TEX11: variants seen among roughly 807,000 people sequenced by gnomAD.
TEX11 encodes testis expressed 11.
In TEX11, 7 loss-of-function variants were observed where a neutral mutation model predicts 84.4. The ratio of observed to expected loss-of-function variants is 0.08; its 90% CI spans 0.05 to 0.16. The LOEUF is 0.16. TEX11 is among the 10% of genes least tolerant of loss of function. The pLI, the probability that TEX11 is intolerant of heterozygous loss-of-function variation, is 1.00. For missense variants in TEX11, 551 were observed against 660.5 expected, an observed-to-expected ratio of 0.83 and a Z score of 1.82; for synonymous variants, 264 against 222.8, an observed-to-expected ratio of 1.18 and a Z score of -1.64.
At chrX:70,827,802 G>A (rs1015828075) in intron 8 of TEX11, among the ~76,000 whole-genome samples, 2 of 111,892 alleles carry the variant, frequency 1.8e-5, no homozygotes, top group Admixed American at 9.5e-5. Flanking sequence ...TGGGTTGTGG[G>A]GGAACTCACC....
intron 9 of TEX11, among the ~76,000 whole-genome samples, chrX:70,765,935 T>C (rs979517826): frequency 8.9e-6 from 1 of 112,515 alleles, no homozygotes; most frequent in African/African-American, 3.2e-5. Flanking sequence ...TTCAGTAAAG[T>C]TGCAGGATAC....
chrX:70,715,445 G>A (rs899906782), intron 13 of TEX11, among the ~76,000 whole-genome samples: 2 of 111,361 alleles, frequency 1.8e-5, no homozygotes, highest in African/African-American at 6.5e-5. Flanking sequence ...ACGTAGATTT[G>A]GTCTTTTCAT....
At chrX:70,572,336 A>C (rs895063708) in intron 25 of TEX11, among the ~76,000 whole-genome samples, 2 of 111,717 alleles carry the variant, frequency 1.8e-5, no homozygotes, top group African/African-American at 3.3e-5. Context: ...GCGATTATTA[A>C]AATGTCAGGA....
At chrX:70,678,099 A>G (rs1402266855) in intron 15 of TEX11, among the ~76,000 whole-genome samples, 1 of 111,013 alleles carries the variant, frequency 9.0e-6, no homozygotes, top group Admixed American at 9.5e-5. Context: ...GGCGTGAGCC[A>G]CCACGCCCGG....
intron 25 of TEX11, among the ~76,000 whole-genome samples, chrX:70,569,754 C>T (rs1348641730): frequency 1.5e-4 from 17 of 111,170 alleles, no homozygotes; most frequent in African/African-American, 5.2e-4. Context: ...GCTGTCTGAT[C>T]GTTCCGCTGG....
intron 7 of TEX11, among the ~76,000 whole-genome samples, chrX:70,845,393 C>A (rs1244341973): frequency 9.1e-6 from 1 of 110,237 alleles, no homozygotes; most frequent in Admixed American, 9.7e-5. Flanking sequence ...AACTCCTGAC[C>A]TCAGGCGATC....
At chrX:70,570,012 G>T (rs1407385009) in intron 25 of TEX11, among the ~76,000 whole-genome samples, 1 of 112,160 alleles carries the variant, frequency 8.9e-6, no homozygotes, top group East Asian at 2.8e-4. Flanking sequence ...CCCAGAGGTG[G>T]AGCCTACAGA....
At chrX:70,640,610 A>G (rs1040415601) in intron 17 of TEX11, among the ~76,000 whole-genome samples, 3 of 109,788 alleles carry the variant, frequency 2.7e-5, no homozygotes, top group African/African-American at 9.9e-5. Context: ...GTGGGGACCA[A>G]TATTCAACAT....
At chrX:70,733,665 T>A (rs2090672532) in intron 11 of TEX11, among the ~76,000 whole-genome samples, 1 of 111,279 alleles carries the variant, frequency 9.0e-6, no homozygotes, top group African/African-American at 3.3e-5. Flanking sequence ...CAGGTGCTGG[T>A]GAGGATGTGA....
chrX:70,737,431 T>C (rs1242431502), intron 11 of TEX11, among the ~76,000 whole-genome samples: 4 of 110,774 alleles, frequency 3.6e-5, no homozygotes, highest in Non-Finnish European at 7.6e-5. Flanking sequence ...GAAGAAATAC[T>C]GGAACTTTTC....
chrX:70,577,813 C>T lies in TEX11; in HGVS notation c.2140+13938G>A, dbSNP rs919091754. On this transcript the variant is annotated intron_variant, in intron 25 of 29. Transcript: ENST00000374333. ...CAGGATCTCTGCTCACCGCAACCTC[C>T]GCCTCCTGGGTTCAAGTGATTCTCC... 9.3e-5 allele frequency among the ~76,000 whole-genome samples: 10 copies of T among 107,187 alleles called. No individual in the cohort carries two copies. The East Asian group carries it at 1.1e-3, about 12-fold the overall frequency. 93.1% of individuals were successfully genotyped at this position (107,187 alleles called of 115,157 possible).
intron 9 of TEX11, among the ~76,000 whole-genome samples, chrX:70,788,501 A>C (rs771196001): frequency 8.1e-5 from 9 of 110,941 alleles, no homozygotes; most frequent in African/African-American, 2.9e-4. Context: ...CCCACCACGT[A>C]CAAAAATCAA....
At chrX:70,737,500 G>A (rs1461306010) in intron 11 of TEX11, among the ~76,000 whole-genome samples, 4 of 110,472 alleles carry the variant, frequency 3.6e-5, no homozygotes, top group Admixed American at 9.8e-5. Flanking sequence ...CCCCAAGCAC[G>A]AGAAACGTAA....
intron 25 of TEX11, among the ~76,000 whole-genome samples, chrX:70,589,836 C>T (rs1784814495): frequency 1.8e-5 from 2 of 112,108 alleles, no homozygotes; most frequent in South Asian, 3.7e-4. Context: ...AGAAAAGTCA[C>T]GGAGGCAATG....
chrX:70,646,293 G>T (rs1047505748), intron 17 of TEX11, among the ~76,000 whole-genome samples: 1 of 111,836 alleles, frequency 8.9e-6, no homozygotes, highest in East Asian at 2.8e-4. Context: ...AGATTTAAAC[G>T]TAAGACATGA....
chrX:70,552,338 T>TG, intron 27 of TEX11, 92 bp from the exon 28 acceptor site: 1 of 1,055,946 alleles, frequency 9.5e-7, no homozygotes, highest in Non-Finnish European at 1.3e-6. Context: ...CATCCCAGAC[T>TG]AACAGCTTCA....
downstream of TEX11, among the ~76,000 whole-genome samples, chrX:70,524,678 G>A (rs2087806600): frequency 8.9e-6 from 1 of 112,470 alleles, no homozygotes; most frequent in Non-Finnish European, 1.9e-5. Context: ...CGATTCTCCT[G>A]CCTCAGCCTC....
intron 10 of TEX11, among the ~76,000 whole-genome samples, chrX:70,743,392 G>A (rs1462395303): frequency 8.9e-6 from 1 of 111,948 alleles, no homozygotes; most frequent in Non-Finnish European, 1.9e-5. Flanking sequence ...TGATTAATAT[G>A]CTGTAATAGT....
At chrX:70,648,303 C>A (rs1364220112) in intron 17 of TEX11, among the ~76,000 whole-genome samples, 1 of 109,708 alleles carries the variant, frequency 9.1e-6, no homozygotes, top group East Asian at 2.9e-4. Flanking sequence ...AGGAGATATA[C>A]CTAATGTAAA....
Sources: gnomAD v4.1 joint callset for allele counts (sites outside exome capture counted in the v4.1 genomes callset) on GRCh38, gnomAD v4.1.1 for gene constraint, MANE v1.5 for transcripts, NCBI Gene and HGNC (gene_info 2026-07-23, HGNC 2026-07-21) for gene names.